The following FAM234A variants were observed in gnomAD, a reference collection of about 807,000 sequenced individuals.
FAM234A encodes the protein family with sequence similarity 234 member A.
Under a neutral mutation model 49.1 loss-of-function variants are expected in FAM234A, and 42 were observed. The ratio of observed to expected loss-of-function variants is 0.86; its 90% CI spans 0.67 to 1.11. The LOEUF is 1.11. Among genes scored for constraint, FAM234A ranks in the 50% least tolerant of loss-of-function variants. The pLI, the probability that FAM234A is intolerant of heterozygous loss-of-function variation, is 0.00. For missense variants in FAM234A, 815 were observed against 745.2 expected (o/e 1.09, Z -1.09); for synonymous variants, 369 against 316.2 (o/e 1.17, Z -1.77).
chr16:263,891 T>C lies in FAM234A; in HGVS notation c.1188+116T>C, dbSNP rs557898166. ...GCTGCCGTCAGAGCTGCTGAGAAGG[T>C]TCTGCCTCCCTCAGAGCATCTGCCT... On this transcript the variant is annotated intron_variant, in intron 10 of 12. Coordinates refer to ENST00000399932, the MANE Select transcript of FAM234A (RefSeq NM_032039.4). 9 of 1,397,624 alleles carry C rather than the reference T, an allele frequency of 6.4e-6. No individual in the cohort carries two copies. In the East Asian group the frequency reaches 1.1e-4, roughly 18 times the overall value. 86.6% of individuals were successfully genotyped at this position (1,397,624 alleles called of 1,614,324 possible).
downstream of FAM234A, chr16:268,693 G>A (rs748252038): frequency 2.1e-6 from 3 of 1,428,260 alleles, no homozygotes; most frequent in Non-Finnish European, 2.9e-6. Flanking sequence ...GAACGCGTTT[G>A]GCGAGGGAGG....
chr16:261,240 G>T (rs1389496700), intron 5 of FAM234A, 144 bp from the exon 6 acceptor site: 3 of 909,072 alleles, frequency 3.3e-6, no homozygotes, highest in Non-Finnish European at 5.0e-6. Flanking sequence ...CCTCCTGTTG[G>T]CATCTGCTCT....
Position 264,144 on chromosome 16 carries a change from C to A in FAM234A, c.1317C>A (p.Leu439=). 6.2e-7 allele frequency: 1 copy of A among 1,606,882 alleles called. No individual in the cohort carries two copies. ...DHRSAFFFWG[L]HELGSTSETE... is the part of the protein sequence containing the mutation. ...GCTCAGCCTTCTTCTTCTGGGGCCT[C>A]CACGAGCTGGGGAGCACCAGCGAGA... The change falls in exon 11 of 13, where the codon CTC becomes CTA. Residue 439 remains leucine, a synonymous_variant. Coordinates refer to ENST00000399932, the MANE Select transcript of FAM234A (RefSeq NM_032039.4).
downstream of FAM234A, among the ~76,000 whole-genome samples, chr16:267,568 C>T (rs995823564): frequency 1.3e-5 from 2 of 151,688 alleles, no homozygotes; most frequent in South Asian, 2.1e-4. Context: ...CACCTGCACA[C>T]GTGCACTACA....
In FAM234A at chr16:265,703, C is replaced by T. The variant is rs187529708; in HGVS notation, c.*681C>T. On this transcript the variant is annotated 3_prime_UTR_variant, in exon 13 of 13. Transcript: ENST00000399932. ...GTGGGGCCTGCTCTGGAGCTGAGCC[C>T]GTGGCCGCTCACAGGTGTCCTTAGT... The T allele has an allele frequency of 4.9e-4, 483 of 985,442 alleles. 3 individuals carry two copies. In the African/African-American group the frequency reaches 7.3e-3, roughly 15 times the overall value. 61.0% of individuals were successfully genotyped at this position (985,442 alleles called of 1,614,324 possible).
chr16:266,037 C>T lies in FAM234A; in HGVS notation c.*1015C>T. 2 of 986,050 alleles carry T rather than the reference C, an allele frequency of 2.0e-6. No homozygotes were observed. Among genetic ancestry groups the T allele is most frequent in the Middle Eastern group, 1.0e-3 (2 of 1,916 alleles). 61.1% of individuals were successfully genotyped at this position (986,050 alleles called of 1,614,324 possible). On this transcript the variant is annotated 3_prime_UTR_variant, in exon 13 of 13. Transcript: ENST00000399932. The stretch of plus-strand genomic sequence containing the variant: ...AGCCTGAGCTTCGTAGCCAAAGCAG[C>T]CTGATGACCCACCCACCAAGGAAGA...
chr16:259,380 A>G, intron 3 of FAM234A, 103 bp from the exon 4 acceptor site: 1 of 694,162 alleles, frequency 1.4e-6, no homozygotes, highest in Admixed American at 2.3e-5. Context: ...GTGCCCTCAC[A>G]GTGGCAGGTT....
intron 2 of FAM234A, among the ~76,000 whole-genome samples, chr16:250,221 G>A (rs1364798346): frequency 2.0e-5 from 3 of 152,202 alleles, no homozygotes; most frequent in Non-Finnish European, 2.9e-5. Flanking sequence ...GTGAGCCACC[G>A]CGCCCGGCCA....
intron 1 of FAM234A, among the ~76,000 whole-genome samples, chr16:242,705 C>T (rs945804294): frequency 2.6e-5 from 4 of 151,584 alleles, no homozygotes; most frequent in Admixed American, 6.6e-5. Context: ...CTCTGCCCCC[C>T]GGGTTCAAGC....
chr16:239,477 T>A (rs1596737876), intron 1 of FAM234A, among the ~76,000 whole-genome samples: 1 of 149,992 alleles, frequency 6.7e-6, no homozygotes, highest in East Asian at 2.0e-4. Flanking sequence ...TAGTCGGACG[T>A]GGTGGCGGGC....
downstream of FAM234A, chr16:269,465 G>A: frequency 6.2e-7 from 1 of 1,605,772 alleles, no homozygotes; most frequent in Non-Finnish European, 8.5e-7. Context: ...CAGCCCCCAG[G>A]CCACAGCCGC....
downstream of FAM234A, among the ~76,000 whole-genome samples, chr16:267,088 CTG>C (rs1278068748): frequency 6.6e-6 from 1 of 152,148 alleles, no homozygotes; most frequent in Non-Finnish European, 1.5e-5. Flanking sequence ...CACCCCCAGA[CTG>C]TGAAGAAGGG....
At chr16:267,242 C>T (rs568942200), downstream of FAM234A, among the ~76,000 whole-genome samples, 1 of 152,150 alleles carries the variant, frequency 6.6e-6, no homozygotes, top group East Asian at 1.9e-4. Flanking sequence ...CACTGTTCCC[C>T]CTCTGGAGGG....
At chr16:239,380 G>T (rs902028240) in intron 1 of FAM234A, among the ~76,000 whole-genome samples, 7 of 151,216 alleles carry the variant, frequency 4.6e-5, no homozygotes, top group Non-Finnish European at 1.0e-4. Context: ...TTGGGAGGCT[G>T]AGGTGGGTGG....
chr16:259,366 T>C (rs747008674), intron 3 of FAM234A, 117 bp from the exon 4 acceptor site: 114 of 670,696 alleles, frequency 1.7e-4, no homozygotes, highest in Middle Eastern at 5.1e-4. Context: ...ACCGTCCTCG[T>C]TGGGTGCCCT....
intron 1 of FAM234A, among the ~76,000 whole-genome samples, chr16:244,059 C>T (rs1330944481): frequency 3.3e-5 from 5 of 151,920 alleles, no homozygotes; most frequent in Non-Finnish European, 4.4e-5. Context: ...ACCTCCGCCT[C>T]CCAGGTTCAC....
downstream of FAM234A, chr16:268,835 G>A (rs1325546915): frequency 6.5e-7 from 1 of 1,550,292 alleles, no homozygotes; most frequent in African/African-American, 1.4e-5. Context: ...GCCGAGACCT[G>A]CATGTCCGCG....
intron 9 of FAM234A, 100 bp from the exon 10 acceptor site, chr16:263,600 G>C (rs2051569671): frequency 1.6e-6 from 2 of 1,270,534 alleles, no homozygotes; most frequent in Non-Finnish European, 2.3e-6. Context: ...GTCCAGATGT[G>C]GCCATGGGAG....
Position 236,689 on chromosome 16 carries a change from G to A in FAM234A, c.-140+1832G>A, listed in dbSNP as rs1430871374. ...TGGGAGGGCGAGGCGGGCGGATCAC[G>A]AGGTCAGGAGATCGAGACCATCGTG... On this transcript the variant is annotated intron_variant, in intron 1 of 12. Coordinates refer to ENST00000399932, the MANE Select transcript of FAM234A (RefSeq NM_032039.4). 7.0e-4 allele frequency among the ~76,000 whole-genome samples: 105 copies of A among 150,166 alleles called. 1 individual carries two copies. The highest frequency in any genetic ancestry group is 1.2e-4 in the Non-Finnish European group (8 of 67,452).
Sources: gnomAD v4.1 joint callset for allele counts (sites outside exome capture counted in the v4.1 genomes callset) on GRCh38, gnomAD v4.1.1 for gene constraint, MANE v1.5 for transcripts, NCBI Gene and HGNC (gene_info 2026-07-23, HGNC 2026-07-21) for gene names.